Variants in ZNF577 observed in about 807,000 individuals in gnomAD.
ZNF577 encodes the protein zinc finger protein 577.
ZNF577 carries 14 observed loss-of-function variants against 13.9 expected under a neutral mutation model. That is an observed-to-expected ratio of 1.00 (90% CI 0.66 to 1.57). ZNF577 has a LOEUF of 1.57. Among genes scored for constraint, ZNF577 ranks in the 40% most tolerant of loss-of-function variants. The pLI, the probability that ZNF577 is intolerant of heterozygous loss-of-function variation, is 0.00. For missense variants in ZNF577, 555 were observed against 579.2 expected, an observed-to-expected ratio of 0.96 and a Z score of 0.43; for synonymous variants, 203 against 202.9, an observed-to-expected ratio of 1.00 and a Z score of 0.00.
intron 5 of ZNF577, among the ~76,000 whole-genome samples, chr19:51,848,294 G>A (rs1004324755): frequency 2.8e-4 from 43 of 152,170 alleles, no homozygotes; most frequent in African/African-American, 1.0e-3. Context: ...CCACACGAAA[G>A]GTGAGGCCGT....
chr19:51,842,833 A>G (rs11666614), exon 8 of ZNF577: 69,492 of 152,018 alleles, frequency 0.46, 16,293 homozygotes, highest in South Asian at 0.58. Flanking sequence ...GGACTGCACC[A>G]ACTTGGGAAT....
At chr19:51,812,093 G>A (rs2084101175) in intron 9 of ZNF577, among the ~76,000 whole-genome samples, 1 of 152,154 alleles carries the variant, frequency 6.6e-6, no homozygotes, top group African/African-American at 2.4e-5. Flanking sequence ...TATGTTGGAG[G>A]TAGGTTGCTC....
intron 3 of ZNF577, 80 bp downstream of exon 3, chr19:51,880,243 G>A: frequency 7.1e-7 from 1 of 1,416,978 alleles, no homozygotes; most frequent in Non-Finnish European, 9.9e-7. Flanking sequence ...TTACAAGGCT[G>A]ACTTTGAGGA....
intron 9 of ZNF577, among the ~76,000 whole-genome samples, chr19:51,813,472 G>A (rs1483668088): frequency 6.6e-6 from 1 of 151,948 alleles, no homozygotes; most frequent in African/African-American, 2.4e-5. Flanking sequence ...TGTTTCAGTG[G>A]TGAAAGATAA....
chr19:51,833,482 G>A (rs1341706350), intron 9 of ZNF577, among the ~76,000 whole-genome samples: 1 of 152,182 alleles, frequency 6.6e-6, no homozygotes, highest in African/African-American at 2.4e-5. Context: ...TGTTCATGGA[G>A]AGAGAGAGCT....
chr19:51,872,968 A>T lies in ZNF577; in HGVS notation c.1022T>A (p.Leu341His), dbSNP rs750943981. Residue 341 changes from leucine (L) to histidine (H), a missense_variant, in exon 6 of 6, where the codon CTC becomes CAC. Leu to His is a moderately conservative substitution (Grantham distance 99). Transcript: ENST00000638348. ...AGTGTGAGTACGCTGATGCTGAATG[A>T]GCTTCGACTTGCTTCTAAAGGCTTT... is the stretch of plus-strand genomic sequence containing the variant. ...CEKAFRSKSK[L>H]IQHQRTHTGE... 1 of 1,614,148 alleles carries T rather than the reference A, an allele frequency of 6.2e-7. No individual in the cohort carries two copies. The highest frequency in any genetic ancestry group is 1.1e-5 in the South Asian group (1 of 91,088).
intron 5 of ZNF577, chr19:51,861,517 T>C (rs2084502074): frequency 6.6e-6 from 1 of 152,400 alleles, no homozygotes; most frequent in African/African-American, 2.4e-5. Context: ...CTATAAGGTT[T>C]CTCTCCCACA....
chr19:51,880,136 G>A (rs933119132), intron 3 of ZNF577, among the ~76,000 whole-genome samples, 187 bp downstream of exon 3: 4 of 152,126 alleles, frequency 2.6e-5, no homozygotes, highest in South Asian at 2.1e-4. Context: ...CGCTATTTTC[G>A]AAGAATTTTG....
At chr19:51,807,162 C>T (rs959467105) in intron 10 of ZNF577, among the ~76,000 whole-genome samples, 1 of 152,104 alleles carries the variant, frequency 6.6e-6, no homozygotes, top group Non-Finnish European at 1.5e-5. Flanking sequence ...TGGACAATGG[C>T]CCTGAGCTTT....
chr19:51,854,694 T>G, intron 5 of ZNF577, among the ~76,000 whole-genome samples: 1 of 152,014 alleles, frequency 6.6e-6, no homozygotes, highest in Non-Finnish European at 1.5e-5. Flanking sequence ...TTTGGGAAGC[T>G]TTGGCCATTA....
In ZNF577 at chr19:51,870,783, G is replaced by A. The variant is rs1282552145; in HGVS notation, c.*1749C>T. ...CTGTCTCAATTCAGAGAGATGGCTGGGATCTGCTTGGGTTTCTCCTCCCAA... is the reference window on the plus strand; with the variant it reads ...CTGTCTCAATTCAGAGAGATGGCTGAGATCTGCTTGGGTTTCTCCTCCCAA... On this transcript the variant is annotated 3_prime_UTR_variant, in exon 6 of 6. Coordinates refer to ENST00000638348, the MANE Select transcript of ZNF577 (RefSeq NM_001370449.1). 1.3e-5 allele frequency among the ~76,000 whole-genome samples: 2 copies of A among 151,996 alleles called. No individual in the cohort carries two copies. The highest frequency in any genetic ancestry group is 2.4e-5 in the African/African-American group (1 of 41,350).
chr19:51,811,066 C>A (rs915503944), intron 10 of ZNF577, among the ~76,000 whole-genome samples: 1 of 151,596 alleles, frequency 6.6e-6, no homozygotes, highest in Non-Finnish European at 1.5e-5. Flanking sequence ...GTGAGTGGGA[C>A]AACAGATTCT....
intron 1 of ZNF577, among the ~76,000 whole-genome samples, chr19:51,882,575 A>G (rs1173053825): frequency 7.2e-5 from 11 of 151,964 alleles, no homozygotes; most frequent in Admixed American, 7.2e-4. Context: ...TGAGGCCAGG[A>G]GTTCAAAACC....
At chr19:51,826,269 T>C (rs964319352) in intron 9 of ZNF577, 9 of 152,244 alleles carry the variant, frequency 5.9e-5, no homozygotes, top group Admixed American at 3.3e-4. Flanking sequence ...GATGGCTCTG[T>C]TATTTCACTT....
intron 9 of ZNF577, among the ~76,000 whole-genome samples, chr19:51,817,010 G>T (rs2084142034): frequency 6.6e-6 from 1 of 152,110 alleles, no homozygotes; most frequent in South Asian, 2.1e-4. Flanking sequence ...AGAAGAAAGG[G>T]CCTGGACTCT....
rs1005019460 is a variant in ZNF577 at position 51,873,681 on chromosome 19, A to G, written c.309T>C (p.Tyr103=). The part of the protein sequence containing the change: ...CPGFVIQSRR[Y]AGKDSDAFGG... ...CAAATGCATCAGAATCTTTTCCTGC[A>G]TATCTTCTACTCTGGATTACAAAAC... The change falls in exon 6 of 6, where the codon TAT becomes TAC. Residue 103 remains tyrosine (Y), a synonymous_variant. Transcript: ENST00000638348. 1.1e-5 allele frequency: 17 copies of G among 1,612,624 alleles called. No homozygotes were observed. Among genetic ancestry groups the G allele is most frequent in the African/African-American group, 1.3e-5 (1 of 74,904 alleles).
chr19:51,843,803 C>G (rs1015001581), intron 6 of ZNF577, among the ~76,000 whole-genome samples: 2 of 152,118 alleles, frequency 1.3e-5, no homozygotes, highest in Non-Finnish European at 2.9e-5. Flanking sequence ...CATAATTGTT[C>G]TGAAGAGGTA....
At chr19:51,816,210 G>A (rs1158482117) in intron 9 of ZNF577, among the ~76,000 whole-genome samples, 1 of 152,154 alleles carries the variant, frequency 6.6e-6, no homozygotes, top group Non-Finnish European at 1.5e-5. Flanking sequence ...CTATATACTT[G>A]CCCTATGCAT....
chr19:51,809,392 GC>G (rs2084082512), intron 10 of ZNF577, among the ~76,000 whole-genome samples: 1 of 152,304 alleles, frequency 6.6e-6, no homozygotes, highest in East Asian at 1.9e-4. Context: ...GTATCCATAA[GC>G]CCATAAAATT....
Sources: gnomAD v4.1 joint callset for allele counts (sites outside exome capture counted in the v4.1 genomes callset) on GRCh38, gnomAD v4.1.1 for gene constraint, MANE v1.5 for transcripts, NCBI Gene and HGNC (gene_info 2026-07-23, HGNC 2026-07-21) for gene names.